Variants in CTIF observed in about 807,000 individuals in gnomAD.
CTIF encodes cap binding complex dependent translation initiation factor.
A neutral mutation model predicts 66.0 loss-of-function variants in CTIF; 21 were observed. The observed-to-expected ratio is 0.32, with a 90% CI of 0.23 to 0.46. CTIF has a LOEUF of 0.46. Among genes scored for constraint, CTIF ranks in the 20% least tolerant of loss-of-function variants. The pLI is 1.00. For synonymous variants in CTIF, 345 were observed against 326.4 expected, an observed-to-expected ratio of 1.06 and a Z score of -0.62; for missense variants, 739 against 812.7, an observed-to-expected ratio of 0.91 and a Z score of 1.10.
At chr18:48,730,333 CT>C (rs2092432133) in intron 7 of CTIF, among the ~76,000 whole-genome samples, 73 of 105,824 alleles carry the variant, frequency 6.9e-4, no homozygotes, top group East Asian at 4.4e-3. Context: ...TGAGGGGCCC[CT>C]GCGGTGTGAG....
Position 48,652,266 on chromosome 18 carries a change from A to G in CTIF, c.253-11486A>G, listed in dbSNP as rs190336770. ...ACTAATAAAGAAGAAAAGAGAGAAG[A>G]ATCAAATAGATGCAATAAAAAATGA... is the stretch of plus-strand genomic sequence containing the variant. On this transcript the variant is annotated intron_variant, in intron 3 of 11. Coordinates refer to ENST00000256413, the MANE Select transcript of CTIF (RefSeq NM_014772.3). 1.2e-4 allele frequency among the ~76,000 whole-genome samples: 19 copies of G among 152,334 alleles called. No homozygotes were observed. The East Asian group carries it at 3.3e-3, about 26-fold the overall frequency.
At chr18:48,666,076 A>T (rs1031828921) in intron 5 of CTIF, among the ~76,000 whole-genome samples, 1 of 152,168 alleles carries the variant, frequency 6.6e-6, no homozygotes, top group African/African-American at 2.4e-5. Context: ...CCAGCAATGT[A>T]TGAGATTCCA....
At chr18:48,679,103 A>G (rs1000787660) in intron 6 of CTIF, among the ~76,000 whole-genome samples, 2 of 152,226 alleles carry the variant, frequency 1.3e-5, no homozygotes, top group Admixed American at 6.5e-5. Context: ...AGAACAAAAA[A>G]GGAAACCTCT....
chr18:48,570,588 T>TG (rs2089393941), intron 1 of CTIF, among the ~76,000 whole-genome samples: 1 of 149,380 alleles, frequency 6.7e-6, no homozygotes, highest in Non-Finnish European at 1.5e-5. Context: ...CCCTGGGGGG[T>TG]GGGGGGAGCA....
At chr18:48,781,773 G>A (rs1378517853) in intron 9 of CTIF, among the ~76,000 whole-genome samples, 4 of 152,130 alleles carry the variant, frequency 2.6e-5, no homozygotes, top group African/African-American at 7.2e-5. Flanking sequence ...TGCGGTAAAA[G>A]GCCTGGGTTT....
At chr18:48,843,677 C>T (rs963428255) in intron 10 of CTIF, among the ~76,000 whole-genome samples, 2 of 152,088 alleles carry the variant, frequency 1.3e-5, no homozygotes. Context: ...TCTAGGTGAC[C>T]GTATATGATC....
intron 6 of CTIF, 150 bp from the exon 7 acceptor site, chr18:48,711,469 T>C: frequency 1.6e-6 from 1 of 614,038 alleles, no homozygotes; most frequent in Non-Finnish European, 2.9e-6. Flanking sequence ...TTTTTCCTTT[T>C]TCAGTCTGGA....
At chr18:48,633,544 ATACAACAAT>A (rs1457917034) in intron 2 of CTIF, among the ~76,000 whole-genome samples, 1 of 151,990 alleles carries the variant, frequency 6.6e-6, no homozygotes, top group Non-Finnish European at 1.5e-5. Context: ...TCTACTAAAA[ATACAACAAT>A]TAGTTGGGCG....
At chr18:48,616,014 A>G (rs1598743987) in intron 1 of CTIF, among the ~76,000 whole-genome samples, 2 of 152,150 alleles carry the variant, frequency 1.3e-5, no homozygotes, top group East Asian at 1.9e-4. Context: ...AGGCTCCCTC[A>G]TGGGACCCTG....
chr18:48,746,234 T>C (rs2092595509), intron 7 of CTIF, among the ~76,000 whole-genome samples: 1 of 152,100 alleles, frequency 6.6e-6, no homozygotes, highest in Non-Finnish European at 1.5e-5. Context: ...GTCAGCACTT[T>C]TAGCTTGGGC....
At chr18:48,833,900 T>C (rs191846187) in intron 10 of CTIF, among the ~76,000 whole-genome samples, 1 of 152,342 alleles carries the variant, frequency 6.6e-6, no homozygotes, top group African/African-American at 2.4e-5. Flanking sequence ...AAAGCAACTG[T>C]GCAAAAGATT....
chr18:48,608,720 G>C (rs1454903203), intron 1 of CTIF, among the ~76,000 whole-genome samples: 1 of 152,242 alleles, frequency 6.6e-6, no homozygotes, highest in Non-Finnish European at 1.5e-5. Context: ...CTGAGATCTA[G>C]CCTGTGCACA....
chr18:48,795,946 C>T (rs780315730), intron 9 of CTIF, among the ~76,000 whole-genome samples: 27 of 152,212 alleles, frequency 1.8e-4, no homozygotes, highest in Non-Finnish European at 1.8e-4. Context: ...GTCACTGGAA[C>T]TATAGGTCAG....
chr18:48,700,216 C>G (rs549619855), intron 6 of CTIF, among the ~76,000 whole-genome samples: 1 of 152,342 alleles, frequency 6.6e-6, no homozygotes, highest in Non-Finnish European at 1.5e-5. Flanking sequence ...CCTGTACATG[C>G]TCTCTTTCTG....
intron 3 of CTIF, among the ~76,000 whole-genome samples, chr18:48,646,917 A>C (rs2091045603): frequency 1.3e-5 from 2 of 151,172 alleles, no homozygotes; most frequent in South Asian, 4.2e-4. Flanking sequence ...AAAAAAAAAA[A>C]AAAAAAAACG....
chr18:48,546,123 T>G (rs1176872636), intron 1 of CTIF, among the ~76,000 whole-genome samples: 1 of 152,106 alleles, frequency 6.6e-6, no homozygotes, highest in African/African-American at 2.4e-5. Context: ...AGAGAAGATA[T>G]GAACATATGA....
intron 1 of CTIF, among the ~76,000 whole-genome samples, chr18:48,602,567 T>C (rs1368327588): frequency 6.6e-6 from 1 of 152,244 alleles, no homozygotes; most frequent in Non-Finnish European, 1.5e-5. Context: ...CTTCTAGTTC[T>C]AATGTCTAAT....
chr18:48,697,072 T>C (rs1311082105), intron 6 of CTIF, among the ~76,000 whole-genome samples: 1 of 152,224 alleles, frequency 6.6e-6, no homozygotes, highest in Non-Finnish European at 1.5e-5. Context: ...TATTGCCTAG[T>C]TAAAGGCCAC....
chr18:48,680,587 TTTGATGAATGGG>T (rs1422852361), intron 6 of CTIF, among the ~76,000 whole-genome samples: 1 of 152,212 alleles, frequency 6.6e-6, no homozygotes, highest in African/African-American at 2.4e-5. Context: ...GTCCACCCGC[TTTGATGAATGGG>T]GCCACACAGC....
Sources: allele counts gnomAD v4.1 joint callset (sites outside exome capture counted in the v4.1 genomes callset), GRCh38; gene constraint gnomAD v4.1.1; transcripts MANE v1.5; gene names NCBI Gene and HGNC (gene_info 2026-07-23, HGNC 2026-07-21).